Variants in PLCE1 observed in about 807,000 individuals in gnomAD.
PLCE1 encodes the protein 1-phosphatidylinositol 4,5-bisphosphate phosphodiesterase epsilon-1.
PLCE1 carries 119 observed loss-of-function variants against 242.8 expected under a neutral mutation model. The ratio of observed to expected loss-of-function variants is 0.49; its 90% confidence interval spans 0.42 to 0.57. The LOEUF (loss-of-function observed/expected upper bound fraction) is 0.57, where lower values mean the gene tolerates loss of function less well. PLCE1 is among the 20% of genes least tolerant of loss of function. PLCE1 has a pLI of 0.00. For missense variants in PLCE1, 2,441 were observed against 2,788.8 expected, an observed-to-expected ratio of 0.88 and a Z score of 2.81; for synonymous variants, 945 against 1,017.4, an observed-to-expected ratio of 0.93 and a Z score of 1.35.
At chr10:94,252,603 CA>C in intron 9 of PLCE1, 105 bp downstream of exon 9, 1 of 984,834 alleles carries the variant, frequency 1.0e-6, no homozygotes, top group East Asian at 2.6e-5. Flanking sequence ...AGGACAAAGT[CA>C]GGTATAAAAT....
chr10:94,254,086 C>A, intron 9 of PLCE1, 104 bp from the exon 10 acceptor site: 1 of 818,746 alleles, frequency 1.2e-6, no homozygotes, highest in South Asian at 1.3e-5. Context: ...CAGGAAGAGG[C>A]AGTATTGAAG....
At chr10:94,096,306 C>G (rs1030780469) in intron 2 of PLCE1, 1 of 152,092 alleles carries the variant, frequency 6.6e-6, no homozygotes, top group Non-Finnish European at 1.5e-5. Context: ...CTGTATTAGT[C>G]CATTCTCACC....
chr10:94,196,568 T>C (rs1015599622), intron 4 of PLCE1, among the ~76,000 whole-genome samples: 1 of 152,130 alleles, frequency 6.6e-6, no homozygotes, highest in African/African-American at 2.4e-5. Context: ...GGAGGATCAC[T>C]TGCAGCCAGG....
At chr10:94,167,841 G>A (rs972809255) in intron 3 of PLCE1, among the ~76,000 whole-genome samples, 3 of 151,700 alleles carry the variant, frequency 2.0e-5, no homozygotes, top group Admixed American at 1.3e-4. Flanking sequence ...ACCCACTGCC[G>A]TGCCTGGCTA....
rs536699691 is a variant in PLCE1, at chr10:94,070,890, G to T, written c.1206+38638G>T. On this transcript the variant is annotated intron_variant, in intron 2 of 32. Coordinates refer to ENST00000371380, the MANE Select transcript of PLCE1 (RefSeq NM_016341.4). ...CCTCCCCATCTTAGGACCCTCTTTT[G>T]CTATGAAGCTTTCCTTGGCTGTACT... is the stretch of plus-strand genomic sequence containing the variant. Among the ~76,000 whole-genome samples, 254 of 152,132 alleles carry T rather than the reference G, an allele frequency of 1.7e-3. 2 individuals carry two copies. Among genetic ancestry groups the T allele is most frequent in the African/African-American group, 5.9e-3 (244 of 41,538 alleles).
chr10:94,145,913 G>A (rs1346631052), intron 3 of PLCE1, among the ~76,000 whole-genome samples: 2 of 152,038 alleles, frequency 1.3e-5, no homozygotes, highest in African/African-American at 4.8e-5. Context: ...GGAGATACAG[G>A]AAGCGTTCCA....
intron 1 of PLCE1, among the ~76,000 whole-genome samples, chr10:94,015,772 A>G (rs2134315761): frequency 6.6e-6 from 1 of 152,338 alleles, no homozygotes; most frequent in Middle Eastern, 3.4e-3. Context: ...ATGAGTGTCA[A>G]ACTAATGGGT....
intron 7 of PLCE1, among the ~76,000 whole-genome samples, chr10:94,242,902 T>C (rs1046021669): frequency 2.6e-4 from 40 of 152,174 alleles, no homozygotes; most frequent in African/African-American, 9.7e-4. Context: ...GTAAATGATA[T>C]GTGTAAATGA....
chr10:94,250,153 G>T (rs1183315377), intron 8 of PLCE1, among the ~76,000 whole-genome samples: 3 of 137,726 alleles, frequency 2.2e-5, no homozygotes, highest in African/African-American at 8.2e-5. Flanking sequence ...AAAAAAAACT[G>T]TTTTCTAAAA....
rs149569070 is a variant in PLCE1, at chr10:94,194,248, T to G, written c.1809+22752T>G. 5.3e-3 allele frequency among the ~76,000 whole-genome samples: 803 copies of G among 152,328 alleles called. 8 individuals carry two copies. Among genetic ancestry groups the G allele is most frequent in the African/African-American group, 0.018 (759 of 41,580 alleles). On this transcript the variant is annotated intron_variant, in intron 4 of 32. Coordinates refer to ENST00000371380, the MANE Select transcript of PLCE1 (RefSeq NM_016341.4). ...TAATTTGCCTAGTTTCTGCCATCCTTTTCGTGGGGAATTACACAACAACTA... is the reference window on the plus strand; with the variant it reads ...TAATTTGCCTAGTTTCTGCCATCCTGTTCGTGGGGAATTACACAACAACTA...
chr10:94,073,647 C>T (rs542066430), intron 2 of PLCE1, among the ~76,000 whole-genome samples: 2 of 152,266 alleles, frequency 1.3e-5, no homozygotes, highest in East Asian at 3.9e-4. Flanking sequence ...CAATACTGGG[C>T]ACATGTGCTA....
chr10:94,110,135 T>C (rs1309263508), intron 2 of PLCE1, among the ~76,000 whole-genome samples: 4 of 140,574 alleles, frequency 2.8e-5, no homozygotes, highest in East Asian at 2.2e-4. Context: ...CGATCTCTGC[T>C]CACTGCAAGG....
intron 4 of PLCE1, among the ~76,000 whole-genome samples, chr10:94,182,289 GAC>G (rs2048338613): frequency 6.6e-6 from 1 of 151,608 alleles, no homozygotes; most frequent in South Asian, 2.1e-4. Context: ...TATTTTTTGA[GAC>G]AGAGTCTGAC....
chr10:94,162,770 C>T (rs1445189630), intron 3 of PLCE1, among the ~76,000 whole-genome samples: 2 of 152,144 alleles, frequency 1.3e-5, no homozygotes, highest in African/African-American at 4.8e-5. Context: ...TTAGATCTTT[C>T]CTGCTTTCTC....
At chr10:94,314,722 T>G (rs548845273) in intron 28 of PLCE1, among the ~76,000 whole-genome samples, 1 of 152,290 alleles carries the variant, frequency 6.6e-6, no homozygotes, top group African/African-American at 2.4e-5. Context: ...TCATAACATT[T>G]GGAGGAATTA....
At chr10:94,207,684 C>T (rs895598572) in intron 4 of PLCE1, among the ~76,000 whole-genome samples, 8 of 151,840 alleles carry the variant, frequency 5.3e-5, no homozygotes, top group African/African-American at 1.9e-4. Context: ...GAAACCAGGG[C>T]TTCTTGGAGA....
intron 2 of PLCE1, among the ~76,000 whole-genome samples, chr10:94,049,497 A>G (rs2043702763): frequency 6.6e-6 from 1 of 152,174 alleles, no homozygotes. Flanking sequence ...TAATTCATCC[A>G]TCACTGTGCC....
At chr10:94,140,714 G>C (rs1282263105) in intron 3 of PLCE1, among the ~76,000 whole-genome samples, 1 of 152,230 alleles carries the variant, frequency 6.6e-6, no homozygotes, top group Non-Finnish European at 1.5e-5. Context: ...GGCTGGCTTA[G>C]TTGACTTCCT....
rs1169144353 is a variant in PLCE1 at position 94,031,474 on chromosome 10, C to T, written c.428C>T (p.Pro143Leu). Reference protein sequence around the residue: ...DLCLETGIPSPLERKVFPGIQ... With the variant: ...DLCLETGIPSLLERKVFPGIQ... The stretch of plus-strand genomic sequence containing the variant: ...TGTTTAGAAACTGGAATTCCTTCTC[C>T]ACTGGAAAGAAAGGTGTTCCCTGGA... Residue 143 changes from proline to leucine, a missense_variant, in exon 2 of 33, where the codon CCA becomes CTA. Physicochemically the swap from Pro to Leu is moderately conservative, Grantham distance 98 (BLOSUM62 -3). Coordinates refer to ENST00000371380, the MANE Select transcript of PLCE1 (RefSeq NM_016341.4). The T allele has an allele frequency of 3.1e-6, 5 of 1,613,314 alleles. No homozygotes were observed. In the East Asian group the frequency reaches 1.1e-4, roughly 36 times the overall value.
Sources: gnomAD v4.1 joint callset for allele counts (sites outside exome capture counted in the v4.1 genomes callset) on GRCh38, gnomAD v4.1.1 for gene constraint, MANE v1.5 for transcripts, NCBI Gene and HGNC (gene_info 2026-07-23, HGNC 2026-07-21) for gene names.